UACA: variants seen among roughly 807,000 people sequenced by gnomAD.
The protein encoded by UACA is uveal autoantigen with coiled-coil domains and ankyrin repeats.
In UACA, 112 loss-of-function variants were observed where a neutral mutation model predicts 160.5. The ratio of observed to expected loss-of-function variants is 0.70; its 90% confidence interval spans 0.60 to 0.82. The LOEUF (loss-of-function observed/expected upper bound fraction) is 0.82. UACA is among the 40% of genes least tolerant of loss of function. UACA has a pLI of 0.00. For synonymous variants in UACA, 557 were observed against 568.4 expected, an observed-to-expected ratio of 0.98 and a Z score of 0.29; for missense variants, 1,574 against 1,614.6, an observed-to-expected ratio of 0.97 and a Z score of 0.43.
intron 9 of UACA, among the ~76,000 whole-genome samples, chr15:70,681,050 G>A (rs373306932): frequency 5.6e-4 from 86 of 152,254 alleles, no homozygotes; most frequent in African/African-American, 2.0e-3. Context: ...CAGGGGCTGG[G>A]CACCTGCCCT....
chr15:70,687,581 T>C lies in UACA; in HGVS notation c.561A>G (p.Ile187Met), dbSNP rs139165884. ...MSRPTICQLL[I>M]DRGADVNSRD... ...TGGAATTAACATCCGCTCCTCTATCTATCAGCAGTTGACATATTGTTGGCC... is the reference window on the plus strand; with the variant it reads ...TGGAATTAACATCCGCTCCTCTATCCATCAGCAGTTGACATATTGTTGGCC... Residue 187 changes from isoleucine (I) to methionine (M), a missense_variant, in exon 7 of 19, where the codon ATA becomes ATG. Coordinates refer to ENST00000322954, the MANE Select transcript of UACA (RefSeq NM_018003.4). The C allele has an allele frequency of 4.7e-5, 76 of 1,613,924 alleles. No homozygotes were observed. The African/African-American group carries it at 8.7e-4, about 18-fold the overall frequency.
At chr15:70,700,236 A>ACCC (rs66634505) in intron 1 of UACA, among the ~76,000 whole-genome samples, 2 of 141,110 alleles carry the variant, frequency 1.4e-5, no homozygotes, top group African/African-American at 5.4e-5. Context: ...TTAAGAAACT[A>ACCC]CCCCCCCCCA....
intron 14 of UACA, chr15:70,671,352 A>G (rs1440331537): frequency 3.8e-6 from 1 of 261,672 alleles, no homozygotes; most frequent in East Asian, 7.4e-5. Context: ...CAGAATCACT[A>G]AAACTTCAGA....
chr15:70,751,960 GCA>G (rs773994596), intron 1 of UACA, among the ~76,000 whole-genome samples: 14 of 152,168 alleles, frequency 9.2e-5, no homozygotes, highest in Admixed American at 2.0e-4. Context: ...ACATGGCCGG[GCA>G]CAGTGGCTCA....
intron 9 of UACA, among the ~76,000 whole-genome samples, chr15:70,680,358 A>C (rs1045980519): frequency 2.0e-5 from 3 of 152,136 alleles, no homozygotes; most frequent in Admixed American, 6.6e-5. Context: ...ACAATAACTA[A>C]TGTAGAAAGC....
Position 70,671,107 on chromosome 15 carries a change from T to G in UACA, c.1169-16A>C. On this transcript the variant is annotated splice_polypyrimidine_tract_variant and intron_variant, in intron 14 of 18. Coordinates refer to ENST00000322954, the MANE Select transcript of UACA (RefSeq NM_018003.4). The stretch of plus-strand genomic sequence containing the variant: ...TCTTCTTTTCCTAAATAAATGCAAA[T>G]GAATGACATTTTAACTTCAATATCC... 6.4e-7 allele frequency: 1 copy of G among 1,565,466 alleles called. No individual in the cohort carries two copies. Among genetic ancestry groups the G allele is most frequent in the Non-Finnish European group, 8.7e-7 (1 of 1,143,556 alleles).
the UACA span, among the ~76,000 whole-genome samples, chr15:70,769,086 C>T: frequency 6.6e-5 from 10 of 152,066 alleles, no homozygotes; most frequent in South Asian, 1.2e-3. Flanking sequence ...GGGCCCGGCG[C>T]GGTGGCTCAC....
Position 70,668,929 on chromosome 15 carries a change from T to C in UACA, c.1755A>G (p.Ile585Met), listed in dbSNP as rs776911245. The part of the protein sequence containing the change: ...EEFKRDEGKL[I>M]EENKRLQKEL... The stretch of plus-strand genomic sequence containing the variant: ...CCTTCTGTAATCGCTTATTTTCTTC[T>C]ATCAGCTTGCCTTCATCCCTCTTAA... The change falls in exon 16 of 19, where the codon ATA becomes ATG. Residue 585 changes from isoleucine (I) to methionine (M), a missense_variant. Transcript: ENST00000322954. The C allele has an allele frequency of 1.2e-6, 2 of 1,613,582 alleles. No individual in the cohort carries two copies. The highest frequency in any genetic ancestry group is 3.3e-5 in the Admixed American group (2 of 59,906).
chr15:70,670,165 G>C (rs1454976393), intron 15 of UACA, among the ~76,000 whole-genome samples: 1 of 152,274 alleles, frequency 6.6e-6, no homozygotes, highest in East Asian at 1.9e-4. Flanking sequence ...TGGGTGAGCA[G>C]GCTCAAGCAT....
At position 70,671,957 on chromosome 15, in the gene UACA, A is replaced by G. The variant is rs1379476438; in HGVS notation, c.1168+8T>C. 1 of 1,595,874 alleles carries G rather than the reference A, an allele frequency of 6.3e-7. No homozygotes were observed. Among genetic ancestry groups the G allele is most frequent in the Non-Finnish European group, 8.5e-7 (1 of 1,170,950 alleles). On this transcript the variant is annotated splice_region_variant and intron_variant, in intron 14 of 18. Coordinates refer to ENST00000322954, the MANE Select transcript of UACA (RefSeq NM_018003.4). ...AACTGTAATGATAATCCATACTTTT[A>G]TACTTACGGTTACTGAAATGACTTC...
Position 70,677,155 on chromosome 15 carries a change from A to T in UACA, c.1000-15T>A. 6.3e-7 allele frequency: 1 copy of T among 1,588,436 alleles called. No individual in the cohort carries two copies. The highest frequency in any genetic ancestry group is 8.6e-7 in the Non-Finnish European group (1 of 1,163,096). On this transcript the variant is annotated splice_polypyrimidine_tract_variant and intron_variant, in intron 11 of 18. Coordinates refer to ENST00000322954, the MANE Select transcript of UACA (RefSeq NM_018003.4). ...ACCATAACTTCCTAAATTTAAAAAG[A>T]ACACAAAATATTTTAATTCTTAAAA...
chr15:70,700,342 T>C lies in UACA; in HGVS notation c.79-682A>G, dbSNP rs1432073185. Among the ~76,000 whole-genome samples the C allele has an allele frequency of 2.8e-5, 4 of 142,790 alleles. 1 individual carries two copies. The highest frequency in any genetic ancestry group is 6.8e-5 in the Admixed American group (1 of 14,684). 93.7% of individuals were successfully genotyped at this position (142,790 alleles called of 152,430 possible). ...ATACACACACACACACACACACACATTCTATACAGAAAGCAATTCATTATG... is the reference window on the plus strand; with the variant it reads ...ATACACACACACACACACACACACACTCTATACAGAAAGCAATTCATTATG... On this transcript the variant is annotated intron_variant, in intron 1 of 18. Transcript: ENST00000322954.
intron 5 of UACA, among the ~76,000 whole-genome samples, chr15:70,689,275 T>G (rs1204444376): frequency 6.6e-6 from 1 of 152,206 alleles, no homozygotes; most frequent in Non-Finnish European, 1.5e-5. Context: ...CAACAATTTT[T>G]TTAATAAGCA....
chr15:70,766,353 T>G (rs1300795002), upstream of UACA, among the ~76,000 whole-genome samples: 1 of 152,232 alleles, frequency 6.6e-6, no homozygotes, highest in Non-Finnish European at 1.5e-5. Flanking sequence ...TATTTTTATC[T>G]TCCCTTCAGA....
chr15:70,663,857 T>G (rs1446841794), intron 17 of UACA, among the ~76,000 whole-genome samples: 2 of 101,200 alleles, frequency 2.0e-5, no homozygotes, highest in African/African-American at 3.9e-5. Flanking sequence ...CATCACACAC[T>G]GGGGCCTGTT....
In UACA at chr15:70,660,185, G is replaced by C; in HGVS notation, c.4145C>G (p.Ala1382Gly). The stretch of plus-strand genomic sequence containing the variant: ...ACTAAGAAGGTGTGTCCGATAAATT[G>C]CAATTACTTCTTGGTGCTGTCTGTC... ...DADRQHQEVIAIYRTHLLSAA... is the reference protein window; with the variant it reads ...DADRQHQEVIGIYRTHLLSAA... The change falls in exon 18 of 19, where the codon GCA becomes GGA. Residue 1382 changes from alanine to glycine, a missense_variant. Ala to Gly is a moderately conservative substitution (Grantham distance 60). Coordinates refer to ENST00000322954, the MANE Select transcript of UACA (RefSeq NM_018003.4). The C allele has an allele frequency of 1.2e-6, 2 of 1,613,552 alleles. No individual in the cohort carries two copies. The highest frequency in any genetic ancestry group is 1.7e-6 in the Non-Finnish European group (2 of 1,179,642).
intron 14 of UACA, 185 bp from the exon 15 acceptor site, chr15:70,671,276 A>C (rs1380955084): frequency 1.1e-5 from 5 of 444,916 alleles, no homozygotes; most frequent in African/African-American, 2.0e-5. Flanking sequence ...AGTACCTACA[A>C]TCTACTGAAC....
the UACA span, among the ~76,000 whole-genome samples, chr15:70,769,939 A>G: frequency 0.18 from 27,546 of 152,248 alleles, 3,794 homozygotes; most frequent in African/African-American, 0.39. Flanking sequence ...AGAGGTTGCC[A>G]TGAGCAGAGA....
chr15:70,759,018 GGCATGCACCATCAC>G (rs2030587880), intron 1 of UACA, among the ~76,000 whole-genome samples: 1 of 152,142 alleles, frequency 6.6e-6, no homozygotes, highest in Admixed American at 6.6e-5. Context: ...TAGGACCACA[GGCATGCACCATCAC>G]GTCGGGCTAA....
Sources: allele counts gnomAD v4.1 joint callset (sites outside exome capture counted in the v4.1 genomes callset), GRCh38; gene constraint gnomAD v4.1.1; transcripts MANE v1.5; gene names NCBI Gene and HGNC (gene_info 2026-07-23, HGNC 2026-07-21).